The following MED12L variants were observed in gnomAD, a reference collection of about 807,000 sequenced individuals.
The protein encoded by MED12L is mediator of RNA polymerase II transcription subunit 12-like protein.
A neutral mutation model predicts 281.3 loss-of-function variants in MED12L; 60 were observed. That is an observed-to-expected ratio of 0.21 (90% CI 0.17 to 0.26). The LOEUF (loss-of-function observed/expected upper bound fraction) is 0.26, where lower values mean the gene tolerates loss of function less well. Ranked by LOEUF, MED12L falls within the 10% of genes least tolerant of loss-of-function variation. The pLI is 1.00. For missense variants in MED12L, 2,146 were observed against 2,680.9 expected (o/e 0.80, Z 4.41); for synonymous variants, 974 against 987.2 (o/e 0.99, Z 0.25).
At chr3:151,415,613 C>T (rs1717451616) in intron 42 of MED12L, among the ~76,000 whole-genome samples, 1 of 152,194 alleles carries the variant, frequency 6.6e-6, no homozygotes, top group Admixed American at 6.5e-5. Flanking sequence ...TCTAGACTGT[C>T]ATCATTATCA....
At chr3:151,121,153 T>C (rs1713694914) in intron 3 of MED12L, among the ~76,000 whole-genome samples, 1 of 152,202 alleles carries the variant, frequency 6.6e-6, no homozygotes, top group Non-Finnish European at 1.5e-5. Context: ...CAAATATCAA[T>C]TGAGAAATTT....
intron 16 of MED12L, chr3:151,199,045 A>C: frequency 6.2e-7 from 1 of 1,614,008 alleles, no homozygotes; most frequent in South Asian, 1.1e-5. Context: ...GTGTCAGCTG[A>C]AGACAGCGGT....
chr3:151,202,364 C>A (rs1725726785), intron 16 of MED12L, among the ~76,000 whole-genome samples: 1 of 152,168 alleles, frequency 6.6e-6, no homozygotes, highest in African/African-American at 2.4e-5. Context: ...GATAGAGTGC[C>A]CATTGCTTAG....
intron 16 of MED12L, among the ~76,000 whole-genome samples, chr3:151,253,544 C>T (rs999754049): frequency 5.3e-5 from 8 of 152,096 alleles, no homozygotes; most frequent in African/African-American, 1.7e-4. Flanking sequence ...GAATGGTTTT[C>T]CTCTCTCTGA....
chr3:151,188,599 G>A, intron 13 of MED12L, 119 bp downstream of exon 13: 1 of 975,248 alleles, frequency 1.0e-6, no homozygotes. Context: ...TATAATGTAT[G>A]TTTTACTGAG....
intron 16 of MED12L, among the ~76,000 whole-genome samples, chr3:151,260,927 G>A (rs1306593059): frequency 6.6e-6 from 1 of 151,860 alleles, no homozygotes; most frequent in Admixed American, 6.6e-5. Flanking sequence ...CATTTTTCTG[G>A]CCTTCCAGTT....
At chr3:151,323,304 A>G (rs548835427) in intron 16 of MED12L, among the ~76,000 whole-genome samples, 12 of 152,288 alleles carry the variant, frequency 7.9e-5, no homozygotes, top group African/African-American at 2.4e-4. Context: ...CCTTCAGTCT[A>G]GAATCATCCT....
At chr3:151,383,967 C>T in intron 34 of MED12L, 79 bp downstream of exon 34, 3 of 1,478,928 alleles carry the variant, frequency 2.0e-6, no homozygotes, top group East Asian at 2.3e-5. Context: ...GCGATTTCTG[C>T]CACATCTTAT....
intron 16 of MED12L, among the ~76,000 whole-genome samples, chr3:151,262,467 C>A (rs1559954653): frequency 6.6e-6 from 1 of 152,200 alleles, no homozygotes; most frequent in Non-Finnish European, 1.5e-5. Flanking sequence ...TGGCTGGCAA[C>A]AGTGGGTGCC....
intron 4 of MED12L, among the ~76,000 whole-genome samples, chr3:151,126,220 TA>T (rs944061689): frequency 2.0e-5 from 3 of 152,004 alleles, no homozygotes; most frequent in African/African-American, 7.3e-5. Context: ...ACCTGATTTT[TA>T]TATTTTTAGT....
chr3:151,176,643 G>A (rs541324120), intron 11 of MED12L, among the ~76,000 whole-genome samples: 1 of 140,416 alleles, frequency 7.1e-6, no homozygotes, highest in Admixed American at 7.1e-5. Flanking sequence ...TGGGGGTGGG[G>A]CATAATCCTT....
At chr3:151,230,823 A>T (rs1171423356) in intron 16 of MED12L, among the ~76,000 whole-genome samples, 1 of 152,190 alleles carries the variant, frequency 6.6e-6, no homozygotes, top group Non-Finnish European at 1.5e-5. Flanking sequence ...CTGCCAATGC[A>T]GAAGTAGTGA....
chr3:151,392,334 G>A (rs939099182), intron 38 of MED12L, among the ~76,000 whole-genome samples: 5 of 151,540 alleles, frequency 3.3e-5, no homozygotes, highest in African/African-American at 1.2e-4. Context: ...GCCAGGCATG[G>A]TGGTGCCTGA....
Position 151,135,341 on chromosome 3 carries a change from T to G in MED12L, c.556+7357T>G, listed in dbSNP as rs538466990. 1.4e-3 allele frequency among the ~76,000 whole-genome samples: 217 copies of G among 152,286 alleles called. 2 individuals are homozygous for G. Among genetic ancestry groups the G allele is most frequent in the Middle Eastern group, 0.01 (3 of 294 alleles). ...CTGATAGTACTTTTTAAGAATGAAA[T>G]GAATCGATACCTTTAAAGTGTTTAG... On this transcript the variant is annotated intron_variant, in intron 5 of 44. Transcript: ENST00000687756.
chr3:151,248,179 A>G (rs1736119160), intron 16 of MED12L, among the ~76,000 whole-genome samples: 7 of 152,076 alleles, frequency 4.6e-5, no homozygotes, highest in Admixed American at 4.6e-4. Context: ...CGCTCAGAGG[A>G]AGCAATCAGA....
intron 8 of MED12L, among the ~76,000 whole-genome samples, chr3:151,161,252 A>T (rs1210624281): frequency 6.7e-6 from 1 of 150,280 alleles, no homozygotes; most frequent in African/African-American, 2.5e-5. Flanking sequence ...ACTATTTTGG[A>T]CTGTTTGTCC....
chr3:151,289,222 G>T (rs1743934893), intron 16 of MED12L, among the ~76,000 whole-genome samples: 1 of 152,166 alleles, frequency 6.6e-6, no homozygotes, highest in Admixed American at 6.5e-5. Flanking sequence ...AACATCTACA[G>T]GGAACGGATG....
At chr3:151,250,391 A>G (rs1187924764) in intron 16 of MED12L, among the ~76,000 whole-genome samples, 2 of 152,176 alleles carry the variant, frequency 1.3e-5, no homozygotes, top group Non-Finnish European at 2.9e-5. Flanking sequence ...AACTGTTTTC[A>G]TCTTGCAAAA....
chr3:151,295,946 C>A (rs907106657), intron 16 of MED12L, among the ~76,000 whole-genome samples: 1 of 152,166 alleles, frequency 6.6e-6, no homozygotes, highest in Non-Finnish European at 1.5e-5. Flanking sequence ...TGTGAAGTTA[C>A]TGCTGATTAT....
Sources: allele counts gnomAD v4.1 joint callset (sites outside exome capture counted in the v4.1 genomes callset), GRCh38; gene constraint gnomAD v4.1.1; transcripts MANE v1.5; gene names NCBI Gene and HGNC (gene_info 2026-07-23, HGNC 2026-07-21).